Variants in WDR87 observed in about 807,000 individuals in gnomAD.
The protein encoded by WDR87 is WD repeat domain 87.
A neutral mutation model predicts 83.3 loss-of-function variants in WDR87; 56 were observed. The observed-to-expected ratio is 0.67, with a 90% confidence interval of 0.54 to 0.84. The LOEUF (loss-of-function observed/expected upper bound fraction) is 0.84. WDR87 is among the 40% of genes least tolerant of loss of function. WDR87 has a pLI of 0.00. For missense variants in WDR87, 2,939 were observed against 3,431.9 expected (o/e 0.86, Z 3.59); for synonymous variants, 1,173 against 1,250.6 (o/e 0.94, Z 1.31).
At chr19:37,900,772 A>C (rs1025377520) in intron 1 of WDR87, among the ~76,000 whole-genome samples, 2 of 151,586 alleles carry the variant, frequency 1.3e-5, no homozygotes, top group Non-Finnish European at 2.9e-5. Flanking sequence ...AGCTGTCTCC[A>C]TTCTGTTCCA....
Position 37,886,391 on chromosome 19 carries a change from CT to C in WDR87, c.7279del (p.Ser2427AlafsTer3). ...GRAIRLGVLKSPLKKLMSTAL... is the reference protein window; with the variant it reads ...GRAIRLGVLKXPLKKLMSTAL... ...TGTTGACATCAGTTTCTTCAAAGGGCTTTTTAGAACTCCTAGTCTTATAGCC... is the reference window on the plus strand; with the variant it reads ...TGTTGACATCAGTTTCTTCAAAGGGCTTTTAGAACTCCTAGTCTTATAGCC... On this transcript the variant is annotated frameshift_variant, in exon 6 of 6. Coordinates refer to ENST00000447313, the MANE Select transcript of WDR87 (RefSeq NM_001291088.2). LOFTEE classifies it low-confidence loss of function (END_TRUNC). 6.5e-7 allele frequency: 1 copy of C among 1,545,488 alleles called. No individual in the cohort carries two copies. The highest frequency in any genetic ancestry group is 1.2e-5 in the South Asian group (1 of 82,384).
Position 37,889,607 on chromosome 19 carries a change from G to T in WDR87, c.4064C>A (p.Pro1355Gln). 1 of 1,551,720 alleles carries T rather than the reference G, an allele frequency of 6.4e-7. No individual in the cohort carries two copies. Among genetic ancestry groups the T allele is most frequent in the South Asian group, 1.2e-5 (1 of 84,056 alleles). The change falls in exon 6 of 6, where the codon CCA (proline) becomes CAA (glutamine). Residue 1355 changes from proline to glutamine, a missense_variant. Pro to Gln is a moderately conservative substitution (Grantham distance 76). Coordinates refer to ENST00000447313, the MANE Select transcript of WDR87 (RefSeq NM_001291088.2). ...DWDVVPPEKK[P>Q]IFIQEGAIRE... Reference sequence around the variant, plus strand: ...AATTGCTCCTTCCTGGATAAAAATTGGTTTCTTCTCTGGCGGGACTACATC... The same window carrying T: ...AATTGCTCCTTCCTGGATAAAAATTTGTTTCTTCTCTGGCGGGACTACATC...
chr19:37,886,888 A>G lies in WDR87; in HGVS notation c.6783T>C (p.Ser2261=), dbSNP rs776030280. ...CCATTTCTTCAGAAAAATGCTCTTC[A>G]CTTTCCACTTCATCCACTTGACTGG... ...KFSSQVDEVE[S]EEHFSEEMES... is the part of the protein sequence containing the mutation. Residue 2261 remains serine, a synonymous_variant, in exon 6 of 6, where the codon AGT becomes AGC. Coordinates refer to ENST00000447313, the MANE Select transcript of WDR87 (RefSeq NM_001291088.2). 9.0e-6 allele frequency: 14 copies of G among 1,551,256 alleles called. No homozygotes were observed. Among genetic ancestry groups the G allele is most frequent in the Non-Finnish European group, 1.2e-5 (14 of 1,146,944 alleles).
rs2046255256 is a variant in WDR87 at position 37,896,285 on chromosome 19, G to A, written c.99C>T (p.Asn33=). The A allele has an allele frequency of 3.9e-6, 6 of 1,551,864 alleles. No homozygotes were observed. In the East Asian group the frequency reaches 1.5e-4, roughly 38 times the overall value. Residue 33 remains asparagine, a synonymous_variant, in exon 3 of 6, where the codon AAC becomes AAT. Coordinates refer to ENST00000447313, the MANE Select transcript of WDR87 (RefSeq NM_001291088.2). ...ACCGGTCACTCAGCACAATCAGGCA[G>A]TTCTTTGGGTCTTCCGAAGGTTGCT... The part of the protein sequence containing the change: ...KSKQPSEDPK[N]CLIVLSDRSQ...
At chr19:37,899,383 C>A (rs1482596106) in intron 1 of WDR87, among the ~76,000 whole-genome samples, 1 of 124,982 alleles carries the variant, frequency 8.0e-6, no homozygotes, top group African/African-American at 3.1e-5. Flanking sequence ...TATACCACTA[C>A]ACTCCAGCCT....
At chr19:37,899,459 GAC>G (rs2046280895) in intron 1 of WDR87, among the ~76,000 whole-genome samples, 1 of 144,846 alleles carries the variant, frequency 6.9e-6, no homozygotes, top group Non-Finnish European at 1.5e-5. Flanking sequence ...AAAAAAAAGA[GAC>G]AAGGCTTTGC....
intron 1 of WDR87, among the ~76,000 whole-genome samples, chr19:37,899,387 C>G (rs1263077359): frequency 7.3e-6 from 1 of 136,820 alleles, no homozygotes; most frequent in Non-Finnish European, 1.5e-5. Context: ...CCACTACACT[C>G]CAGCCTGGGA....
At chr19:37,906,223 T>C (rs2046327490) in intron 1 of WDR87, among the ~76,000 whole-genome samples, 1 of 152,224 alleles carries the variant, frequency 6.6e-6, no homozygotes, top group Non-Finnish European at 1.5e-5. Context: ...TGCTTGGTTA[T>C]GTCACCAGGT....
chr19:37,886,460 C>A lies in WDR87; in HGVS notation c.7211G>T (p.Arg2404Ile). 1 of 1,526,500 alleles carries A rather than the reference C, an allele frequency of 6.6e-7. No homozygotes were observed. The highest frequency in any genetic ancestry group is 8.8e-7 in the Non-Finnish European group (1 of 1,140,484). The allele number at this position is 1,526,500 out of a possible 1,614,324, so 94.6% of individuals were successfully genotyped here. ...QRRKSLRGRE[R>I]VLSILRGVPH... is the part of the protein sequence containing the mutation. Reference sequence around the variant, plus strand: ...AACTCCTCTTAAAATGGAAAGGACTCTTTCCCTTCCTCTTAGGCTCTTTCT... The same window carrying A: ...AACTCCTCTTAAAATGGAAAGGACTATTTCCCTTCCTCTTAGGCTCTTTCT... Residue 2404 changes from arginine to isoleucine, a missense_variant, in exon 6 of 6, where the codon AGA becomes ATA. This residue lies in a region of WDR87 where 2,160 missense variants were observed against 2,533.1 expected (regional missense o/e 0.85). Coordinates refer to ENST00000447313, the MANE Select transcript of WDR87 (RefSeq NM_001291088.2).
At chr19:37,900,893 G>A (rs988358926) in intron 1 of WDR87, among the ~76,000 whole-genome samples, 3 of 151,082 alleles carry the variant, frequency 2.0e-5, no homozygotes, top group Non-Finnish European at 4.4e-5. Flanking sequence ...AGGCCAAAGT[G>A]GGAGGCTCAC....
Position 37,886,937 on chromosome 19 carries a change from C to T in WDR87, c.6734G>A (p.Gly2245Asp), listed in dbSNP as rs762817579. The change falls in exon 6 of 6, where the codon GGT (glycine) becomes GAT (aspartate). Residue 2245 changes from glycine to aspartate, a missense_variant. This residue lies in a region of WDR87 where 2,160 missense variants were observed against 2,533.1 expected (regional missense o/e 0.85). Coordinates refer to ENST00000447313, the MANE Select transcript of WDR87 (RefSeq NM_001291088.2). ...RWRKRKEAKRGDKPKEKFSSQ... is the reference protein window; with the variant it reads ...RWRKRKEAKRDDKPKEKFSSQ... ...GGAAAACTTTTCTTTTGGTTTGTCA[C>T]CTCTCTTGGCCTCTTTCCTCTTTCT... is the stretch of plus-strand genomic sequence containing the variant. 3 of 1,551,398 alleles carry T rather than the reference C, an allele frequency of 1.9e-6. No individual in the cohort carries two copies. Among genetic ancestry groups the T allele is most frequent in the Non-Finnish European group, 2.6e-6 (3 of 1,146,948 alleles).
At chr19:37,905,295 GAAT>G (rs1326922762) in intron 1 of WDR87, among the ~76,000 whole-genome samples, 9 of 151,144 alleles carry the variant, frequency 6.0e-5, no homozygotes, top group East Asian at 3.9e-4. Context: ...ACCTAACTTG[GAAT>G]AATATTTTGG....
chr19:37,897,090 CT>C (rs1463525047), intron 2 of WDR87, among the ~76,000 whole-genome samples: 1 of 152,068 alleles, frequency 6.6e-6, no homozygotes, highest in Non-Finnish European at 1.5e-5. Flanking sequence ...CTAAGTGAGA[CT>C]CTTGGGACAC....
In WDR87 at chr19:37,894,213, A is replaced by G. The variant is rs896430263; in HGVS notation, c.1490T>C (p.Leu497Ser). The change falls in exon 4 of 6, where the codon TTA (leucine) becomes TCA (serine). Residue 497 changes from leucine to serine, a missense_variant. By Grantham distance (145) the Leu-to-Ser change is moderately radical. Transcript: ENST00000447313. ...RVLSQHSCAR[L>S]EKFMHFGAVL... Reference sequence around the variant, plus strand: ...AGCGCCAAAGTGCATGAATTTTTCTAATCGAGCACAGCTGTGCTGGGAGAG... The same window carrying G: ...AGCGCCAAAGTGCATGAATTTTTCTGATCGAGCACAGCTGTGCTGGGAGAG... 1.3e-6 allele frequency: 2 copies of G among 1,552,086 alleles called. No individual in the cohort carries two copies. Among genetic ancestry groups the G allele is most frequent in the Non-Finnish European group, 1.7e-6 (2 of 1,147,078 alleles).
rs1161288339 is a variant in WDR87 at position 37,885,534 on chromosome 19, A to G, written c.8137T>C (p.Phe2713Leu). 1 of 1,551,614 alleles carries G rather than the reference A, an allele frequency of 6.4e-7. No homozygotes were observed. The highest frequency in any genetic ancestry group is 2.4e-5 in the East Asian group (1 of 40,934). ...TCCACAGAGGCATGGGCACTTGGAA[A>G]AATGTCTCTGGTGGCAGGATAAAAG... ...QYFYPATRDI[F>L]PSAHASVEKQ... is the part of the protein sequence containing the mutation. Residue 2713 changes from phenylalanine to leucine, a missense_variant, in exon 6 of 6, where the codon TTT becomes CTT. This residue lies in a region of WDR87 where 2,160 missense variants were observed against 2,533.1 expected (regional missense o/e 0.85). Coordinates refer to ENST00000447313, the MANE Select transcript of WDR87 (RefSeq NM_001291088.2).
chr19:37,886,153 CAT>C lies in WDR87; in HGVS notation c.7516_7517del (p.Met2506ValfsTer11). On this transcript the variant is annotated frameshift_variant, in exon 6 of 6. Transcript: ENST00000447313. LOFTEE classifies it low-confidence loss of function (END_TRUNC). ...SQAQDLKTPF[M>X]SHILRRTVEA... The stretch of plus-strand genomic sequence containing the variant: ...CCACGGTCCTCCTTAATATGTGGGA[CAT>C]AAATGGGGTCTTTAAGTCCTGTGCT... The C allele has an allele frequency of 6.4e-7, 1 of 1,551,736 alleles. No individual in the cohort carries two copies.
At chr19:37,903,197 A>G (rs2046303350) in intron 1 of WDR87, among the ~76,000 whole-genome samples, 1 of 152,128 alleles carries the variant, frequency 6.6e-6, no homozygotes, top group Admixed American at 6.6e-5. Flanking sequence ...AGTCCAGCTG[A>G]TATCAGAAGG....
chr19:37,886,707 C>T lies in WDR87; in HGVS notation c.6964G>A (p.Glu2322Lys). The stretch of plus-strand genomic sequence containing the variant: ...TTCTTCTTCTTCTTCTCCTCCTCTT[C>T]TTTCTCCACTTGCTTCTCCTCCCCT... The part of the protein sequence containing the change: ...EEGEEKQVEK[E>K]EEEKKKKKKE... Residue 2322 changes from glutamate (E) to lysine (K), a missense_variant, in exon 6 of 6, where the codon GAA becomes AAA. Coordinates refer to ENST00000447313, the MANE Select transcript of WDR87 (RefSeq NM_001291088.2). 6.9e-7 allele frequency: 1 copy of T among 1,449,674 alleles called. No individual in the cohort carries two copies. 89.8% of individuals were successfully genotyped at this position (1,449,674 alleles called of 1,614,324 possible).
Position 37,890,018 on chromosome 19 carries a change from C to T in WDR87, c.3653G>A (p.Arg1218Lys), listed in dbSNP as rs267605458. 6.4e-7 allele frequency: 1 copy of T among 1,551,636 alleles called. No individual in the cohort carries two copies. The highest frequency in any genetic ancestry group is 8.7e-7 in the Non-Finnish European group (1 of 1,146,984). Residue 1218 changes from arginine to lysine, a missense_variant, in exon 6 of 6, where the codon AGA becomes AAA. By Grantham distance (26) the Arg-to-Lys change is conservative. Around this residue, in one of 3 missense-constraint regions of WDR87, gnomAD observed 2,160 missense variants for 2,533.1 expected, o/e 0.85. Coordinates refer to ENST00000447313, the MANE Select transcript of WDR87 (RefSeq NM_001291088.2). ...LKRLQKIRDKRDKKATAQKLK... is the reference protein window; with the variant it reads ...LKRLQKIRDKKDKKATAQKLK... ...TTTCTGAGCTGTTGCTTTCTTGTCT[C>T]TTTTGTCACGTATTTTCTGCAGCCT... is the stretch of plus-strand genomic sequence containing the variant.
Sources: allele counts gnomAD v4.1 joint callset (sites outside exome capture counted in the v4.1 genomes callset), GRCh38; gene constraint gnomAD v4.1.1; regional missense constraint gnomAD v4.1.1; transcripts MANE v1.5; gene names NCBI Gene and HGNC (gene_info 2026-07-23, HGNC 2026-07-21).